Variants in THSD4 observed in about 807,000 individuals in gnomAD.
THSD4 encodes the protein thrombospondin type 1 domain containing 4.
A neutral mutation model predicts 119.0 loss-of-function variants in THSD4; 69 were observed. That is an observed-to-expected ratio of 0.58 (90% CI 0.48 to 0.71). The LOEUF is 0.71. Among genes scored for constraint, THSD4 ranks in the 30% least tolerant of loss-of-function variants. The probability of loss-of-function intolerance (pLI) is 0.00; values close to 1 mark genes in which losing one functional copy is unlikely to be tolerated. For missense variants in THSD4, 1,393 were observed against 1,391.1 expected (o/e 1.00, Z -0.02); for synonymous variants, 524 against 540.4 (o/e 0.97, Z 0.42).
chr15:71,341,520 C>T (rs756953009), intron 6 of THSD4: 36 of 1,612,106 alleles, frequency 2.2e-5, no homozygotes, highest in East Asian at 2.0e-4. Context: ...CCAACTCCAC[C>T]GTTGTAATGT....
chr15:71,575,729 C>CT (rs1256085947), intron 7 of THSD4, among the ~76,000 whole-genome samples: 1 of 152,298 alleles, frequency 6.6e-6, no homozygotes, highest in East Asian at 1.9e-4. Context: ...TTCCAGAGGA[C>CT]TGTAGGAAAT....
chr15:71,340,889 C>T (rs1203830620), intron 6 of THSD4, among the ~76,000 whole-genome samples: 3 of 152,168 alleles, frequency 2.0e-5, no homozygotes, highest in Admixed American at 6.5e-5. Context: ...CGTGAGCCAC[C>T]GTGCCCAGCC....
intron 6 of THSD4, among the ~76,000 whole-genome samples, chr15:71,333,372 C>T (rs575876339): frequency 6.6e-6 from 1 of 152,288 alleles, no homozygotes; most frequent in Admixed American, 6.5e-5. Flanking sequence ...GTTAAGCTCA[C>T]TGTGGTCATA....
At position 71,554,958 on chromosome 15, in the gene THSD4, T is replaced by C. The variant is rs552294230; in HGVS notation, c.1153-105572T>C. Among the ~76,000 whole-genome samples the C allele has an allele frequency of 5.3e-5, 8 of 152,276 alleles. No individual in the cohort carries two copies. In the East Asian group the frequency reaches 7.7e-4, roughly 15 times the overall value. Reference sequence around the variant, plus strand: ...CTAAAGAAATCAAAATTCCCAGTACTATGCACCACTCCCCACTCATGTCCT... The same window carrying C: ...CTAAAGAAATCAAAATTCCCAGTACCATGCACCACTCCCCACTCATGTCCT... On this transcript the variant is annotated intron_variant, in intron 7 of 17. Transcript: ENST00000261862.
intron 8 of THSD4, among the ~76,000 whole-genome samples, chr15:71,716,257 CT>C (rs1354046563): frequency 1.3e-5 from 2 of 152,124 alleles, no homozygotes; most frequent in Admixed American, 6.6e-5. Context: ...ACCAGTCATA[CT>C]GGATTTAGGG....
rs200920117 is a variant in THSD4 at position 71,746,800 on chromosome 15, G to C, written c.2037-38G>C. 208 of 1,605,332 alleles carry C rather than the reference G, an allele frequency of 1.3e-4. 1 individual carries two copies. In the Admixed American group the frequency reaches 3.4e-3, roughly 27 times the overall value. On this transcript the variant is annotated intron_variant, in intron 12 of 17. Transcript: ENST00000261862. ...TCACGCTGACTTCCTGTTGACTGAA[G>C]GTTGTCTCTCACTCTCGCTCTCTCA...
At chr15:71,705,054 T>C (rs1246061610) in intron 8 of THSD4, among the ~76,000 whole-genome samples, 1 of 151,836 alleles carries the variant, frequency 6.6e-6, no homozygotes, top group Non-Finnish European at 1.5e-5. Flanking sequence ...CCCTGAAGAA[T>C]GGGTAGAATT....
intron 7 of THSD4, among the ~76,000 whole-genome samples, chr15:71,492,814 G>A (rs981178881): frequency 4.0e-5 from 6 of 151,890 alleles, no homozygotes; most frequent in African/African-American, 1.2e-4. Context: ...ATGGAACCTA[G>A]TAGCAGGAAT....
chr15:71,531,686 C>A (rs2048612182), intron 7 of THSD4, among the ~76,000 whole-genome samples: 3 of 152,194 alleles, frequency 2.0e-5, no homozygotes. Flanking sequence ...TAACACAGTG[C>A]CTAGTGGCAC....
chr15:71,328,012 G>A (rs78636523), intron 6 of THSD4, among the ~76,000 whole-genome samples: 159 of 152,230 alleles, frequency 1.0e-3, no homozygotes, highest in African/African-American at 3.6e-3. Context: ...TGGGACAAAA[G>A]TAAAGCCACC....
At chr15:71,559,417 A>G in intron 7 of THSD4, among the ~76,000 whole-genome samples, 1 of 152,108 alleles carries the variant, frequency 6.6e-6, no homozygotes, top group South Asian at 2.1e-4. Flanking sequence ...TGGTAATCAT[A>G]TCCTTTCTTG....
intron 7 of THSD4, among the ~76,000 whole-genome samples, chr15:71,595,632 G>A (rs770350092): frequency 2.6e-4 from 39 of 152,248 alleles, no homozygotes; most frequent in Non-Finnish European, 5.0e-4. Flanking sequence ...AGCTCAGAGG[G>A]CCTAAAATTG....
intron 6 of THSD4, among the ~76,000 whole-genome samples, chr15:71,366,813 G>A (rs1226056521): frequency 6.6e-6 from 1 of 152,152 alleles, no homozygotes; most frequent in Non-Finnish European, 1.5e-5. Context: ...TAGATTTCCA[G>A]GTGGGAATTA....
intron 1 of THSD4, among the ~76,000 whole-genome samples, chr15:71,102,645 ACCT>A (rs1276911179): frequency 6.6e-6 from 1 of 151,758 alleles, no homozygotes; most frequent in Non-Finnish European, 1.5e-5. Flanking sequence ...GCTCACTGCA[ACCT>A]CCACCTCCCG....
intron 7 of THSD4, among the ~76,000 whole-genome samples, chr15:71,520,062 A>T (rs1196318759): frequency 6.6e-6 from 1 of 152,208 alleles, no homozygotes; most frequent in African/African-American, 2.4e-5. Flanking sequence ...TAACTTGTTT[A>T]GTCCTCTTGG....
At chr15:71,634,119 G>A (rs1352921979) in intron 7 of THSD4, among the ~76,000 whole-genome samples, 2 of 151,708 alleles carry the variant, frequency 1.3e-5, no homozygotes, top group African/African-American at 4.9e-5. Flanking sequence ...CCCAGGAGGA[G>A]GAGGTTTCAG....
chr15:71,459,380 G>GTCTCTCTCTCTCTCTCTCTCTCTCTC (rs141034841), intron 7 of THSD4, among the ~76,000 whole-genome samples: 1 of 137,702 alleles, frequency 7.3e-6, no homozygotes, highest in Non-Finnish European at 1.5e-5. Context: ...CTGTCTCTCT[G>GTCTCTCTCTCTCTCTCTCTCTCTCTC]TCTCTCTCTC....
intron 7 of THSD4, among the ~76,000 whole-genome samples, chr15:71,506,769 GA>G (rs2048196597): frequency 6.6e-6 from 1 of 152,196 alleles, no homozygotes; most frequent in South Asian, 2.1e-4. Context: ...GCCATGGCAG[GA>G]CCCTTCTGCC....
intron 7 of THSD4, among the ~76,000 whole-genome samples, chr15:71,527,708 C>CTTTTTTTTTT (rs10635101): frequency 3.6e-4 from 29 of 79,740 alleles, no homozygotes; most frequent in Non-Finnish European, 5.4e-4. Context: ...TGTTTATCCT[C>CTTTTTTTTTT]TTTTTTTTTT....
Sources: gnomAD v4.1 joint callset for allele counts (sites outside exome capture counted in the v4.1 genomes callset) on GRCh38, gnomAD v4.1.1 for gene constraint, MANE v1.5 for transcripts, NCBI Gene and HGNC (gene_info 2026-07-23, HGNC 2026-07-21) for gene names.